The following CDH18 variants were observed in gnomAD, a reference collection of about 807,000 sequenced individuals.
CDH18 encodes cadherin 18.
Under a neutral mutation model 67.9 loss-of-function variants are expected in CDH18, and 31 were observed. The ratio of observed to expected loss-of-function variants is 0.46; its 90% confidence interval spans 0.34 to 0.62. The LOEUF (loss-of-function observed/expected upper bound fraction) is 0.62, where lower values mean the gene tolerates loss of function less well. Ranked by LOEUF, CDH18 falls within the 20% of genes least tolerant of loss-of-function variation. The probability of loss-of-function intolerance (pLI) is 0.01; values close to 1 mark genes in which losing one functional copy is unlikely to be tolerated. For missense variants in CDH18, 890 were observed against 975.5 expected, an observed-to-expected ratio of 0.91 and a Z score of 1.17; for synonymous variants, 362 against 347.2, an observed-to-expected ratio of 1.04 and a Z score of -0.48.
chr5:20,382,513 A>G (rs185740967), intron 1 of CDH18, among the ~76,000 whole-genome samples: 14 of 152,270 alleles, frequency 9.2e-5, no homozygotes, highest in Non-Finnish European at 1.5e-4. Context: ...ATGGATGCCA[A>G]TCATGGTGAT....
At chr5:20,423,182 A>G (rs1242158332) in intron 1 of CDH18, among the ~76,000 whole-genome samples, 1 of 151,394 alleles carries the variant, frequency 6.6e-6, no homozygotes, top group Admixed American at 6.6e-5. Context: ...CTGGCAATCC[A>G]GCAAGCAGGC....
intron 7 of CDH18, among the ~76,000 whole-genome samples, chr5:19,585,968 G>C (rs2631621): frequency 0.037 from 5,697 of 152,044 alleles, 308 homozygotes; most frequent in African/African-American, 0.12. Flanking sequence ...TTCTGCTTGG[G>C]CACTATTTTT....
At chr5:19,974,550 A>C (rs1311017054) in intron 2 of CDH18, among the ~76,000 whole-genome samples, 1 of 149,172 alleles carries the variant, frequency 6.7e-6, no homozygotes, top group Non-Finnish European at 1.5e-5. Flanking sequence ...AAAAGAGGGA[A>C]GTTTCCAGAG....
chr5:19,811,132 A>C (rs999334614), intron 3 of CDH18, among the ~76,000 whole-genome samples: 3 of 128,076 alleles, frequency 2.3e-5, no homozygotes, highest in Non-Finnish European at 5.0e-5. Context: ...GAAAGAAAGA[A>C]AGAAAGAAAG....
chr5:20,478,058 G>T (rs1464032203), intron 1 of CDH18, among the ~76,000 whole-genome samples: 1 of 152,136 alleles, frequency 6.6e-6, no homozygotes, highest in Non-Finnish European at 1.5e-5. Flanking sequence ...TTCATCACCT[G>T]CTCAATAAAG....
chr5:20,079,576 G>A (rs1217517816), intron 2 of CDH18, among the ~76,000 whole-genome samples: 2 of 152,126 alleles, frequency 1.3e-5, no homozygotes, highest in Non-Finnish European at 2.9e-5. Flanking sequence ...CATATATTCA[G>A]TATAGGGTTG....
chr5:19,813,806 T>C (rs1389962849), intron 3 of CDH18, among the ~76,000 whole-genome samples: 1 of 152,160 alleles, frequency 6.6e-6, no homozygotes, highest in African/African-American at 2.4e-5. Context: ...ACTACATTGT[T>C]ATGATAATTA....
At chr5:20,536,544 A>G (rs1472458253) in intron 1 of CDH18, among the ~76,000 whole-genome samples, 1 of 152,156 alleles carries the variant, frequency 6.6e-6, no homozygotes, top group Non-Finnish European at 1.5e-5. Context: ...CCTGGGAGTC[A>G]GTACTGTGCT....
intron 5 of CDH18, among the ~76,000 whole-genome samples, chr5:19,633,618 T>A (rs1212224994): frequency 6.6e-6 from 1 of 151,836 alleles, no homozygotes; most frequent in Non-Finnish European, 1.5e-5. Flanking sequence ...CCGAAACTTG[T>A]TTTTGATTTG....
chr5:19,906,368 T>C (rs1193300780), intron 2 of CDH18, among the ~76,000 whole-genome samples: 2 of 152,024 alleles, frequency 1.3e-5, no homozygotes, highest in Non-Finnish European at 2.9e-5. Flanking sequence ...AGATACCTAA[T>C]GACGATTTTC....
rs373950028 is a variant in CDH18, at chr5:20,032,000, T to C, written c.-517-39986A>G. 5.3e-5 allele frequency among the ~76,000 whole-genome samples: 8 copies of C among 152,076 alleles called. No homozygotes were observed. In the East Asian group the frequency reaches 5.8e-4, roughly 11 times the overall value. On this transcript the variant is annotated intron_variant, in intron 2 of 14. Coordinates refer to the CDH18 transcript ENST00000507958. ...TGGTATTGAGAGCCAGATTGAAAGA[T>C]GGGACAAGACTGACCTACCAATCCA...
At chr5:19,888,587 G>C (rs1295678993) in intron 2 of CDH18, among the ~76,000 whole-genome samples, 5 of 151,936 alleles carry the variant, frequency 3.3e-5, no homozygotes, top group Non-Finnish European at 5.9e-5. Context: ...AATAAAATTA[G>C]TGTTTGCATT....
rs555377808 is a variant in CDH18, at chr5:20,540,797, A to T, written c.-580+34665T>A. ...AACTAGATTATCAAATCATTTGGCA[A>T]AACTTTAGGGCTACATTCCATCTGA... On this transcript the variant is annotated intron_variant, in intron 1 of 14. Transcript: ENST00000507958. Among the ~76,000 whole-genome samples, 15 of 152,348 alleles carry T rather than the reference A, an allele frequency of 9.8e-5. No individual in the cohort carries two copies. In the East Asian group the frequency reaches 2.1e-3, roughly 22 times the overall value.
At chr5:19,766,482 C>T (rs1459183078) in intron 3 of CDH18, among the ~76,000 whole-genome samples, 1 of 152,148 alleles carries the variant, frequency 6.6e-6, no homozygotes, top group East Asian at 1.9e-4. Flanking sequence ...CGTACTTATC[C>T]TGTAAGTGGT....
At chr5:19,671,329 T>TA (rs1435646239) in intron 5 of CDH18, among the ~76,000 whole-genome samples, 1 of 152,110 alleles carries the variant, frequency 6.6e-6, no homozygotes, top group Non-Finnish European at 1.5e-5. Flanking sequence ...TAAGAAAAAA[T>TA]AACACAATAC....
At chr5:19,880,804 T>A (rs1389524154) in intron 2 of CDH18, among the ~76,000 whole-genome samples, 1 of 152,318 alleles carries the variant, frequency 6.6e-6, no homozygotes, top group East Asian at 1.9e-4. Context: ...TGTATGCTCA[T>A]AGAGAAACAC....
chr5:20,385,970 G>A (rs1366903378), intron 1 of CDH18, among the ~76,000 whole-genome samples: 2 of 152,078 alleles, frequency 1.3e-5, no homozygotes, highest in African/African-American at 4.8e-5. Context: ...AATTTCATAG[G>A]TGTAGTTGTT....
chr5:20,514,675 C>T (rs1561083492), intron 1 of CDH18, among the ~76,000 whole-genome samples: 1 of 152,018 alleles, frequency 6.6e-6, no homozygotes. Context: ...TACCTCATCT[C>T]TAAGGCCTTA....
chr5:19,866,649 T>C (rs905245238), intron 2 of CDH18, among the ~76,000 whole-genome samples: 1 of 152,148 alleles, frequency 6.6e-6, no homozygotes, highest in Non-Finnish European at 1.5e-5. Flanking sequence ...CACTCACATC[T>C]CAGTTCATCC....
Sources: gnomAD v4.1 joint callset for allele counts (sites outside exome capture counted in the v4.1 genomes callset) on GRCh38, gnomAD v4.1.1 for gene constraint, MANE v1.5 for transcripts, NCBI Gene and HGNC (gene_info 2026-07-23, HGNC 2026-07-21) for gene names.